The following SUPT3H variants were observed in gnomAD, a reference collection of about 807,000 sequenced individuals.
SUPT3H encodes the protein transcription initiation protein SPT3 homolog.
In SUPT3H, 44 loss-of-function variants were observed where a neutral mutation model predicts 44.3. The ratio of observed to expected loss-of-function variants is 0.99; its 90% confidence interval spans 0.78 to 1.28. The LOEUF is 1.28. Ranked by LOEUF, SUPT3H falls within the 50% of genes most tolerant of loss-of-function variation. The pLI is 0.00. For missense variants in SUPT3H, 380 were observed against 387.1 expected, an observed-to-expected ratio of 0.98 and a Z score of 0.15; for synonymous variants, 124 against 125.6, an observed-to-expected ratio of 0.99 and a Z score of 0.09.
downstream of SUPT3H, among the ~76,000 whole-genome samples, chr6:44,824,008 A>G (rs1767553738): frequency 6.6e-6 from 1 of 152,188 alleles, no homozygotes; most frequent in African/African-American, 2.4e-5. Context: ...GCTGTGGTTT[A>G]GAGTTGGCTC....
At chr6:44,940,527 T>C (rs1015466217) in intron 9 of SUPT3H, among the ~76,000 whole-genome samples, 1 of 152,138 alleles carries the variant, frequency 6.6e-6, no homozygotes, top group African/African-American at 2.4e-5. Flanking sequence ...GGTAGAATGT[T>C]CTGTAAATGA....
chr6:44,847,958 CTTTTTTTTTTT>C lies in SUPT3H; in HGVS notation c.913-18112_913-18102del, dbSNP rs969869912. Among the ~76,000 whole-genome samples the C allele has an allele frequency of 3.1e-4, 18 of 58,394 alleles. 1 individual carries two copies. Among genetic ancestry groups the C allele is most frequent in the Middle Eastern group, 0.016 (1 of 62 alleles). The allele number at this position is 58,394 out of a possible 152,430, so 38.3% of individuals were successfully genotyped here. A position where few individuals can be genotyped will look rare whatever the true frequency, so the allele number is the denominator to read the frequency against. On this transcript the variant is annotated intron_variant, in intron 10 of 10. Coordinates refer to ENST00000371459, the MANE Select transcript of SUPT3H (RefSeq NM_003599.4). ...CTAGTGTTGACAGTTATCTCTGTGT[CTTTTTTTTTTT>C]TTTTTTTTTTTTTTTGAGATGGAGT...
intron 2 of SUPT3H, among the ~76,000 whole-genome samples, chr6:45,113,168 T>C (rs1269304221): frequency 6.6e-6 from 1 of 151,974 alleles, no homozygotes; most frequent in Non-Finnish European, 1.5e-5. Flanking sequence ...ATTACTATAA[T>C]ACCCAAGAAT....
intron 2 of SUPT3H, among the ~76,000 whole-genome samples, chr6:45,180,746 A>C (rs1447943379): frequency 2.3e-4 from 35 of 152,274 alleles, no homozygotes; most frequent in African/African-American, 7.7e-4. Flanking sequence ...TAAATGTTAG[A>C]CCTAAAACCA....
chr6:45,161,072 T>C (rs943692881), intron 2 of SUPT3H, among the ~76,000 whole-genome samples: 19 of 152,092 alleles, frequency 1.2e-4, no homozygotes, highest in African/African-American at 4.3e-4. Flanking sequence ...CTTCTGCTCA[T>C]TCCATGAGAC....
chr6:44,991,623 G>A (rs965354408), intron 6 of SUPT3H, among the ~76,000 whole-genome samples: 17 of 151,990 alleles, frequency 1.1e-4, no homozygotes, highest in Middle Eastern at 3.4e-3. Flanking sequence ...GGGTTCAAGC[G>A]TTAATCCAAA....
chr6:45,191,184 C>A (rs983454297), intron 2 of SUPT3H, among the ~76,000 whole-genome samples: 2 of 151,868 alleles, frequency 1.3e-5, no homozygotes, highest in Non-Finnish European at 2.9e-5. Context: ...CTTCAATAGG[C>A]AAATGGATAA....
chr6:45,107,910 T>C (rs1799503652), intron 2 of SUPT3H, among the ~76,000 whole-genome samples: 2 of 152,144 alleles, frequency 1.3e-5, no homozygotes, highest in Admixed American at 6.5e-5. Flanking sequence ...GAAGTATATG[T>C]AGGACAACAA....
At chr6:45,273,998 C>T (rs894322577) in intron 2 of SUPT3H, among the ~76,000 whole-genome samples, 1 of 152,310 alleles carries the variant, frequency 6.6e-6, no homozygotes, top group East Asian at 1.9e-4. Flanking sequence ...CATAGCTATC[C>T]TAGTGGGTGT....
intron 6 of SUPT3H, among the ~76,000 whole-genome samples, chr6:44,986,239 T>C (rs537046157): frequency 3.9e-5 from 6 of 152,250 alleles, no homozygotes; most frequent in South Asian, 4.2e-4. Flanking sequence ...ACAGAGGAGA[T>C]TGCTTTCCTG....
At chr6:45,045,882 C>T (rs1789313513) in intron 3 of SUPT3H, among the ~76,000 whole-genome samples, 2 of 152,106 alleles carry the variant, frequency 1.3e-5, no homozygotes, top group Admixed American at 1.3e-4. Flanking sequence ...ATTTTCTTGA[C>T]AGTATCTTTC....
At chr6:44,904,374 AACAG>A (rs1449206191) in intron 10 of SUPT3H, among the ~76,000 whole-genome samples, 2 of 152,158 alleles carry the variant, frequency 1.3e-5, no homozygotes, top group African/African-American at 4.8e-5. Flanking sequence ...ATACACCAAT[AACAG>A]ACAAACAGAG....
chr6:45,359,144 A>G (rs969720975), intron 2 of SUPT3H, among the ~76,000 whole-genome samples: 1 of 152,210 alleles, frequency 6.6e-6, no homozygotes, highest in African/African-American at 2.4e-5. Flanking sequence ...GAGAGAATTG[A>G]TAGTAATATT....
chr6:44,841,885 G>C (rs965781970), intron 10 of SUPT3H, among the ~76,000 whole-genome samples: 1 of 152,202 alleles, frequency 6.6e-6, no homozygotes, highest in Admixed American at 6.5e-5. Flanking sequence ...GATGTATCGT[G>C]AATACATGTG....
At chr6:45,037,691 A>T (rs1031757302) in intron 3 of SUPT3H, among the ~76,000 whole-genome samples, 22 of 151,414 alleles carry the variant, frequency 1.5e-4, no homozygotes, top group African/African-American at 4.6e-4. Context: ...TTAATTAAAT[A>T]AAAAAATGAA....
intron 2 of SUPT3H, among the ~76,000 whole-genome samples, chr6:45,213,541 G>A (rs1434461013): frequency 6.6e-6 from 1 of 151,918 alleles, no homozygotes; most frequent in Non-Finnish European, 1.5e-5. Context: ...ATATGTTGGA[G>A]AAACAAATAT....
At chr6:45,071,261 A>C (rs1354083403) in intron 3 of SUPT3H, among the ~76,000 whole-genome samples, 1 of 149,306 alleles carries the variant, frequency 6.7e-6, no homozygotes, top group Non-Finnish European at 1.5e-5. Flanking sequence ...CAGTAAACCA[A>C]GGATTCCCCA....
chr6:44,893,769 T>C (rs1238014931), intron 10 of SUPT3H, among the ~76,000 whole-genome samples: 3 of 144,362 alleles, frequency 2.1e-5, no homozygotes, highest in African/African-American at 7.6e-5. Context: ...ATGGTATTTC[T>C]AGTTCTAGAT....
intron 2 of SUPT3H, among the ~76,000 whole-genome samples, chr6:45,220,361 T>C (rs1386042766): frequency 6.6e-6 from 1 of 150,612 alleles, no homozygotes; most frequent in Non-Finnish European, 1.5e-5. Context: ...AGAAGAAAAA[T>C]AGTATGAACA....
Sources: gnomAD v4.1 joint callset for allele counts (sites outside exome capture counted in the v4.1 genomes callset) on GRCh38, gnomAD v4.1.1 for gene constraint, MANE v1.5 for transcripts, NCBI Gene and HGNC (gene_info 2026-07-23, HGNC 2026-07-21) for gene names.